Variants in TNRC6A observed in about 807,000 individuals in gnomAD.
TNRC6A encodes the protein trinucleotide repeat containing adaptor 6A.
Under a neutral mutation model 221.2 loss-of-function variants are expected in TNRC6A, and 44 were observed. The ratio of observed to expected loss-of-function variants is 0.20; its 90% confidence interval spans 0.16 to 0.26. The LOEUF (loss-of-function observed/expected upper bound fraction) is 0.26. Ranked by LOEUF, TNRC6A falls within the 10% of genes least tolerant of loss-of-function variation. TNRC6A has a pLI of 1.00. For synonymous variants in TNRC6A, 847 were observed against 838.5 expected (o/e 1.01, Z -0.18); for missense variants, 2,199 against 2,404.4 (o/e 0.91, Z 1.79).
At chr16:24,816,328 CAAA>C (rs68019317) in intron 19 of TNRC6A, 222 of 103,170 alleles carry the variant, frequency 2.2e-3, no homozygotes, top group African/African-American at 6.2e-3. Context: ...GACTCTGTCT[CAAA>C]AAAAAAAAAA....
Position 24,806,695 on chromosome 16 carries a change from A to C in TNRC6A, c.4451A>C (p.Lys1484Thr). 6.2e-7 allele frequency: 1 copy of C among 1,614,174 alleles called. No homozygotes were observed. Among genetic ancestry groups the C allele is most frequent in the Non-Finnish European group, 8.5e-7 (1 of 1,180,028 alleles). ...QQQPLHQPAM[K>T]SFLDNVMPHT... ...CAGCCACTCCATCAGCCAGCCATGA[A>C]GTCTTTCCTTGACAATGTCATGCCC... The change falls in exon 17 of 25, where the codon AAG (lysine) becomes ACG (threonine). Residue 1484 changes from lysine to threonine, a missense_variant. Physicochemically the swap from Lys to Thr is moderately conservative, Grantham distance 78. Coordinates refer to ENST00000395799, the MANE Select transcript of TNRC6A (RefSeq NM_014494.4).
intron 1 of TNRC6A, among the ~76,000 whole-genome samples, chr16:24,639,823 G>A (rs1050482152): frequency 6.6e-6 from 1 of 151,972 alleles, no homozygotes; most frequent in Non-Finnish European, 1.5e-5. Context: ...ATTTTTGTTT[G>A]TTTGTCTGTT....
At chr16:24,698,789 C>A (rs571712324) in intron 2 of TNRC6A, among the ~76,000 whole-genome samples, 19 of 152,282 alleles carry the variant, frequency 1.2e-4, no homozygotes, top group Admixed American at 3.9e-4. Flanking sequence ...CAGCTCACTG[C>A]AACCTCTGCC....
chr16:24,740,790 A>C (rs2056874682), intron 2 of TNRC6A, among the ~76,000 whole-genome samples: 1 of 152,174 alleles, frequency 6.6e-6, no homozygotes, highest in Non-Finnish European at 1.5e-5. Context: ...TGTACCCGTT[A>C]AATCATAACT....
At chr16:24,795,697 CTTTTACATG>C in intron 8 of TNRC6A, 1 of 444,962 alleles carries the variant, frequency 2.2e-6, no homozygotes. Flanking sequence ...TTATGAAGTG[CTTTTACATG>C]TTTTACATAA....
chr16:24,625,364 A>T (rs1900905966), intron 1 of TNRC6A, among the ~76,000 whole-genome samples: 1 of 152,202 alleles, frequency 6.6e-6, no homozygotes, highest in Non-Finnish European at 1.5e-5. Context: ...CTGTAATCCC[A>T]GCACTTTGGG....
intron 1 of TNRC6A, among the ~76,000 whole-genome samples, chr16:24,634,264 A>C (rs1011795012): frequency 3.9e-5 from 6 of 151,906 alleles, no homozygotes; most frequent in African/African-American, 9.7e-5. Context: ...CCATCTCTAC[A>C]AAAAAATACA....
In TNRC6A at chr16:24,815,279, G is replaced by T; in HGVS notation, c.4805G>T (p.Gly1602Val). 6.2e-7 allele frequency: 1 copy of T among 1,614,216 alleles called. No individual in the cohort carries two copies. Among genetic ancestry groups the T allele is most frequent in the Non-Finnish European group, 8.5e-7 (1 of 1,180,038 alleles). ...TGGCCACGTGCCAAATCGCCTAACGGCTCTAGCAGTGTTAATTGGCCACCA... is the reference window on the plus strand; with the variant it reads ...TGGCCACGTGCCAAATCGCCTAACGTCTCTAGCAGTGTTAATTGGCCACCA... Reference protein sequence around the residue: ...DGWPRAKSPNGSSSVNWPPEF... With the variant: ...DGWPRAKSPNVSSSVNWPPEF... Residue 1602 changes from glycine (G) to valine (V), a missense_variant, in exon 19 of 25, where the codon GGC becomes GTC. Physicochemically the swap from Gly to Val is moderately radical, Grantham distance 109 (BLOSUM62 -3). Around this residue, in one of 8 missense-constraint regions of TNRC6A, gnomAD observed 449 missense variants for 579.7 expected, o/e 0.77. Transcript: ENST00000395799.
At chr16:24,748,878 A>G (rs889889004) in intron 2 of TNRC6A, among the ~76,000 whole-genome samples, 1 of 151,784 alleles carries the variant, frequency 6.6e-6, no homozygotes, top group Admixed American at 6.6e-5. Flanking sequence ...TTTCTGCCTG[A>G]TATTCCTTTT....
chr16:24,739,146 G>A (rs921982226), intron 2 of TNRC6A, among the ~76,000 whole-genome samples: 2 of 152,196 alleles, frequency 1.3e-5, no homozygotes, highest in African/African-American at 2.4e-5. Flanking sequence ...AGCAATGTAT[G>A]GAGGCACTAG....
chr16:24,804,372 G>A (rs549152394), intron 12 of TNRC6A, 53 bp downstream of exon 12: 261 of 1,555,170 alleles, frequency 1.7e-4, no homozygotes, highest in East Asian at 5.0e-4. Context: ...ACTTCATAGC[G>A]TAATTTTCAC....
chr16:24,794,432 G>A, intron 7 of TNRC6A, 112 bp from the exon 8 acceptor site: 2 of 1,058,008 alleles, frequency 1.9e-6, no homozygotes, highest in Non-Finnish European at 2.7e-6. Context: ...AAATAAGTGT[G>A]CACGTGTGTG....
intron 2 of TNRC6A, among the ~76,000 whole-genome samples, chr16:24,723,726 T>G (rs2056450086): frequency 6.7e-6 from 1 of 150,136 alleles, no homozygotes. Flanking sequence ...ATACCTAACT[T>G]TTTTTTTTGT....
At chr16:24,666,223 C>T (rs1364467775) in intron 2 of TNRC6A, among the ~76,000 whole-genome samples, 3 of 151,934 alleles carry the variant, frequency 2.0e-5, no homozygotes, top group Non-Finnish European at 4.4e-5. Context: ...AATCCCAGTA[C>T]TTTGGGAGGC....
intron 20 of TNRC6A, among the ~76,000 whole-genome samples, chr16:24,817,168 C>A (rs984220462): frequency 1.3e-5 from 2 of 152,172 alleles, no homozygotes; most frequent in East Asian, 3.8e-4. Flanking sequence ...AGACAGAATT[C>A]TCTCTGTTCC....
At chr16:24,740,146 T>G (rs908905737) in intron 2 of TNRC6A, among the ~76,000 whole-genome samples, 1 of 152,258 alleles carries the variant, frequency 6.6e-6, no homozygotes, top group Non-Finnish European at 1.5e-5. Flanking sequence ...GTGTTCATCA[T>G]TATGCCACTT....
At chr16:24,675,659 AC>A (rs1253532925) in intron 2 of TNRC6A, among the ~76,000 whole-genome samples, 3 of 37,530 alleles carry the variant, frequency 8.0e-5, no homozygotes, top group Non-Finnish European at 1.4e-4. Context: ...CCAGCCAGAG[AC>A]TCTCTCTCTC....
chr16:24,652,046 T>C (rs1309179389), intron 2 of TNRC6A, among the ~76,000 whole-genome samples: 1 of 151,916 alleles, frequency 6.6e-6, no homozygotes, highest in South Asian at 2.1e-4. Context: ...AGAGGGAACT[T>C]AGATGAACTT....
chr16:24,823,825 C>G lies in TNRC6A; in HGVS notation c.*18C>G. 2 of 1,377,954 alleles carry G rather than the reference C, an allele frequency of 1.5e-6. No individual in the cohort carries two copies. Among genetic ancestry groups the G allele is most frequent in the African/African-American group, 3.0e-5 (2 of 67,370 alleles). The allele number at this position is 1,377,954 out of a possible 1,614,324, so 85.4% of individuals were successfully genotyped here. A position where few individuals can be genotyped will look rare whatever the true frequency, so the allele number is the denominator to read the frequency against. ...CCATGTAACAGTGTAGATGCAGACTCACCGACCGGGACCTCAGACGCGAGG... is the reference window on the plus strand; with the variant it reads ...CCATGTAACAGTGTAGATGCAGACTGACCGACCGGGACCTCAGACGCGAGG... On this transcript the variant is annotated 3_prime_UTR_variant, in exon 25 of 25. Transcript: ENST00000395799. This position sits in a 1 kb window ranked among gnomAD's most constrained non-coding sequence, Gnocchi z 4.3.
Sources: allele counts gnomAD v4.1 joint callset (sites outside exome capture counted in the v4.1 genomes callset), GRCh38; gene constraint gnomAD v4.1.1; regional missense constraint gnomAD v4.1.1; non-coding constraint Gnocchi (gnomAD v3.1); transcripts MANE v1.5; gene names NCBI Gene and HGNC (gene_info 2026-07-23, HGNC 2026-07-21).